Variants in EIF2A observed in about 807,000 individuals in gnomAD.
The protein encoded by EIF2A is eukaryotic translation initiation factor 2A.
Under a neutral mutation model 75.2 loss-of-function variants are expected in EIF2A, and 62 were observed. That is an observed-to-expected ratio of 0.82 (90% CI 0.67 to 1.02). The LOEUF is 1.02. Ranked by LOEUF, EIF2A falls within the 50% of genes least tolerant of loss-of-function variation. The pLI, the probability that EIF2A is intolerant of heterozygous loss-of-function variation, is 0.00. For synonymous variants in EIF2A, 207 were observed against 239.0 expected (o/e 0.87, Z 1.23); for missense variants, 611 against 677.7 (o/e 0.90, Z 1.09).
Position 150,564,370 on chromosome 3 carries a change from A to C in EIF2A, c.464A>C (p.Asn155Thr). Residue 155 changes from asparagine to threonine, a missense_variant, in exon 6 of 14, where the codon AAC becomes ACC. Coordinates refer to ENST00000460851, the MANE Select transcript of EIF2A (RefSeq NM_032025.5). ...AACAATGAAGTTCACTTCTTTGAAA[A>C]CAACAATTTTAGTATGGAAAGATTT... is the stretch of plus-strand genomic sequence containing the variant. ...NVNNEVHFFE[N>T]NNFNTIANKL... 2.5e-6 allele frequency: 4 copies of C among 1,597,602 alleles called. No homozygotes were observed. The highest frequency in any genetic ancestry group is 3.4e-6 in the Non-Finnish European group (4 of 1,172,786).
At chr3:150,574,133 A>G (rs748828072) in intron 10 of EIF2A, among the ~76,000 whole-genome samples, 3 of 152,190 alleles carry the variant, frequency 2.0e-5, no homozygotes, top group Non-Finnish European at 2.9e-5. Context: ...AATTCACTTG[A>G]GCCCAGAAGG....
intron 2 of EIF2A, among the ~76,000 whole-genome samples, chr3:150,556,438 A>G (rs1723575105): frequency 6.6e-6 from 1 of 152,188 alleles, no homozygotes; most frequent in African/African-American, 2.4e-5. Flanking sequence ...CAATCCAAGT[A>G]TTGGGTATTA....
chr3:150,583,328 A>G (rs1280959969), intron 13 of EIF2A, 63 bp downstream of exon 13: 8 of 1,502,208 alleles, frequency 5.3e-6, no homozygotes, highest in Non-Finnish European at 7.3e-6. Flanking sequence ...TTTATTATAA[A>G]CAAGTATTTA....
chr3:150,566,860 T>G (rs934945060), intron 6 of EIF2A: 3 of 152,228 alleles, frequency 2.0e-5, no homozygotes, highest in Non-Finnish European at 1.5e-5. Context: ...TTTGAGTATA[T>G]CATAGTTAGA....
At chr3:150,561,624 C>G (rs1230125959) in intron 3 of EIF2A, among the ~76,000 whole-genome samples, 1 of 151,950 alleles carries the variant, frequency 6.6e-6, no homozygotes, top group Non-Finnish European at 1.5e-5. Context: ...TTCTCTAGCA[C>G]CTCTGCCTTT....
In EIF2A at chr3:150,581,854, G is replaced by A. The variant is rs1725200790; in HGVS notation, c.1626+108G>A. The A allele has an allele frequency of 3.7e-5, 49 of 1,312,064 alleles. 1 individual carries two copies. In the South Asian group the frequency reaches 7.3e-4, roughly 19 times the overall value. The allele number at this position is 1,312,064 out of a possible 1,614,324, so 81.3% of individuals were successfully genotyped here. ...ACAGGTATCTAAGAAGTTGGTATCA[G>A]CAGTTCTCATTGTTGTTTTCTCACT... On this transcript the variant is annotated intron_variant, in intron 12 of 13. Coordinates refer to ENST00000460851, the MANE Select transcript of EIF2A (RefSeq NM_032025.5).
chr3:150,576,772 A>G (rs1013385380), intron 11 of EIF2A, among the ~76,000 whole-genome samples: 3 of 152,266 alleles, frequency 2.0e-5, no homozygotes, highest in African/African-American at 7.2e-5. Context: ...ATATGAAATT[A>G]TTTAACTGGG....
intron 11 of EIF2A, among the ~76,000 whole-genome samples, chr3:150,576,588 A>G (rs1229171238): frequency 6.6e-6 from 1 of 152,200 alleles, no homozygotes; most frequent in East Asian, 1.9e-4. Flanking sequence ...ACTGGACTTG[A>G]CATCATAACC....
chr3:150,581,765 G>GATGTGCATA lies in EIF2A; in HGVS notation c.1626+20_1626+28dup. On this transcript the variant is annotated intron_variant, in intron 12 of 13. Coordinates refer to ENST00000460851, the MANE Select transcript of EIF2A (RefSeq NM_032025.5). ...AAAGAAGGTGAGAGACTTAAAAACA[G>GATGTGCATA]ATGTGCATATTGAAAGGTATACATG... The GATGTGCATA allele has an allele frequency of 1.4e-5, 21 of 1,555,172 alleles. No individual in the cohort carries two copies. The highest frequency in any genetic ancestry group is 1.8e-5 in the Non-Finnish European group (21 of 1,148,938).
At chr3:150,551,001 C>T (rs1431182969) in intron 1 of EIF2A, among the ~76,000 whole-genome samples, 1 of 152,208 alleles carries the variant, frequency 6.6e-6, no homozygotes, top group Non-Finnish European at 1.5e-5. Context: ...TCTAGCCACA[C>T]AGGCCTTCTT....
At chr3:150,571,850 T>G (rs1347046869) in intron 9 of EIF2A, 108 bp from the exon 10 acceptor site, 2 of 978,658 alleles carry the variant, frequency 2.0e-6, no homozygotes, top group Non-Finnish European at 3.0e-6. Flanking sequence ...TCCTTGAAAT[T>G]TTTTTATCTG....
chr3:150,555,540 G>A (rs1723514678), intron 2 of EIF2A, among the ~76,000 whole-genome samples: 1 of 151,606 alleles, frequency 6.6e-6, no homozygotes, highest in South Asian at 2.1e-4. Flanking sequence ...TTACAGGTGT[G>A]AGCCACCACA....
rs777060748 is a variant in EIF2A, at chr3:150,575,709, A to T, written c.1444A>T (p.Lys482Ter). Residue 482 changes from lysine to a stop codon, truncating the protein, a stop_gained, in exon 11 of 14, where the codon AAA becomes TAA. Transcript: ENST00000460851. LOFTEE classifies it high-confidence loss of function. ...ATCAGGAAACGATAAGCCATTATCA[A>T]AAACAGCTCTTAAAAATCAAAGGAA... The part of the protein sequence containing the change: ...PQSGNDKPLS[K>*]TALKNQRKHE... The T allele has an allele frequency of 3.7e-6, 6 of 1,613,548 alleles. No individual in the cohort carries two copies. The East Asian group carries it at 1.3e-4, about 36-fold the overall frequency.
intron 3 of EIF2A, 55 bp from the exon 4 acceptor site, chr3:150,562,487 T>A (rs1723938555): frequency 4.5e-6 from 6 of 1,332,462 alleles, no homozygotes; most frequent in Non-Finnish European, 6.3e-6. Flanking sequence ...TTTTGGTTAG[T>A]GTTGACTACT....
At position 150,567,928 on chromosome 3, in the gene EIF2A, A is replaced by G. The variant is rs1724279217; in HGVS notation, c.576A>G (p.Lys192=). 6.2e-7 allele frequency: 1 copy of G among 1,610,726 alleles called. No individual in the cohort carries two copies. The highest frequency in any genetic ancestry group is 8.5e-7 in the Non-Finnish European group (1 of 1,178,990). Residue 192 remains lysine (K), a synonymous_variant, in exon 8 of 14, where the codon AAA becomes AAG. Coordinates refer to ENST00000460851, the MANE Select transcript of EIF2A (RefSeq NM_032025.5). ...TGGCTGTCTATGTTCCAGGAAGTAA[A>G]GGTGCACCTTCATTTGTTAGATTAT... is the stretch of plus-strand genomic sequence containing the variant. ...YKVAVYVPGS[K]GAPSFVRLYQ... is the part of the protein sequence containing the mutation.
At chr3:150,563,242 C>T (rs1723986227) in intron 4 of EIF2A, among the ~76,000 whole-genome samples, 1 of 152,092 alleles carries the variant, frequency 6.6e-6, no homozygotes, top group South Asian at 2.1e-4. Flanking sequence ...TATTGGCTTA[C>T]AAACCTCCTG....
At chr3:150,552,542 G>A in intron 2 of EIF2A, 117 bp downstream of exon 2, 1 of 767,796 alleles carries the variant, frequency 1.3e-6, no homozygotes, top group South Asian at 2.1e-5. Context: ...CATTTTTATT[G>A]TATAATATTT....
chr3:150,552,040 AGGTTC>A (rs1232216303), intron 1 of EIF2A, among the ~76,000 whole-genome samples: 1 of 152,204 alleles, frequency 6.6e-6, no homozygotes, highest in African/African-American at 2.4e-5. Flanking sequence ...AACGTATCCA[AGGTTC>A]CACAGGCAGT....
At chr3:150,549,853 A>C (rs919019543) in intron 1 of EIF2A, among the ~76,000 whole-genome samples, 2 of 152,196 alleles carry the variant, frequency 1.3e-5, no homozygotes, top group African/African-American at 4.8e-5. Flanking sequence ...CTGCTTGACC[A>C]GTTGAAGTCA....
Sources: allele counts gnomAD v4.1 joint callset (sites outside exome capture counted in the v4.1 genomes callset), GRCh38; gene constraint gnomAD v4.1.1; transcripts MANE v1.5; gene names NCBI Gene and HGNC (gene_info 2026-07-23, HGNC 2026-07-21).